Variants in PHF24 observed in about 807,000 individuals in gnomAD.
PHF24 encodes the protein Galpha inhibitory interacting protein.
PHF24 carries 25 observed loss-of-function variants against 42.6 expected under a neutral mutation model. The observed-to-expected ratio is 0.59, with a 90% CI of 0.43 to 0.82. The LOEUF is 0.82. Ranked by LOEUF, PHF24 falls within the 40% of genes least tolerant of loss-of-function variation. The probability of loss-of-function intolerance (pLI) is 0.00; values close to 1 mark genes in which losing one functional copy is unlikely to be tolerated. For synonymous variants in PHF24, 185 were observed against 204.8 expected (o/e 0.90, Z 0.83); for missense variants, 470 against 538.1 (o/e 0.87, Z 1.25).
chr9:34,830,618 G>C, the PHF24 span, among the ~76,000 whole-genome samples: 133 of 152,290 alleles, frequency 8.7e-4, no homozygotes, highest in Non-Finnish European at 3.1e-4. Flanking sequence ...AGCTGCCTTT[G>C]GTGGTGGATC....
the PHF24 span, among the ~76,000 whole-genome samples, chr9:34,668,134 G>C: frequency 6.6e-6 from 1 of 152,220 alleles, no homozygotes; most frequent in Non-Finnish European, 1.5e-5. Flanking sequence ...CCCAGAGCTA[G>C]GGAGTGAGTA....
At chr9:34,863,900 A>G in the PHF24 span, among the ~76,000 whole-genome samples, 2 of 152,250 alleles carry the variant, frequency 1.3e-5, no homozygotes, top group African/African-American at 2.4e-5. Context: ...AATTCAAGAT[A>G]AACAGAGAAG....
the PHF24 span, among the ~76,000 whole-genome samples, chr9:34,898,433 T>A: frequency 6.6e-6 from 1 of 152,196 alleles, no homozygotes; most frequent in Non-Finnish European, 1.5e-5. Context: ...TTCTTAAATG[T>A]CCTTCTTATA....
the PHF24 span, among the ~76,000 whole-genome samples, chr9:34,751,403 C>T: frequency 6.6e-6 from 1 of 151,930 alleles, no homozygotes; most frequent in Non-Finnish European, 1.5e-5. Context: ...GAGTAGCTAT[C>T]CTTATATCAG....
chr9:34,832,306 G>T, the PHF24 span: 1 of 609,412 alleles, frequency 1.6e-6, no homozygotes, highest in Non-Finnish European at 2.9e-6. Flanking sequence ...TAGGGTGGGT[G>T]CCCTGGTTGG....
At chr9:34,800,595 C>T in the PHF24 span, among the ~76,000 whole-genome samples, 4 of 152,094 alleles carry the variant, frequency 2.6e-5, no homozygotes, top group Admixed American at 6.5e-5. Flanking sequence ...TAAACGGTGC[C>T]GGGAAAACTG....
At chr9:34,933,521 G>A in the PHF24 span, among the ~76,000 whole-genome samples, 1 of 151,858 alleles carries the variant, frequency 6.6e-6, no homozygotes, top group Admixed American at 6.6e-5. Context: ...TGAGGAGATG[G>A]AGACCATCCT....
the PHF24 span, chr9:34,895,903 T>C: frequency 4.1e-5 from 16 of 391,484 alleles, no homozygotes; most frequent in Non-Finnish European, 5.9e-5. Context: ...TATTTGTTTT[T>C]AAAGAGGCTT....
the PHF24 span, among the ~76,000 whole-genome samples, chr9:34,778,061 T>A: frequency 6.6e-6 from 1 of 152,354 alleles, no homozygotes; most frequent in Non-Finnish European, 1.5e-5. Flanking sequence ...CTTCCTTGCT[T>A]TAGGTATTAC....
chr9:34,838,790 C>T, the PHF24 span, among the ~76,000 whole-genome samples: 69 of 152,316 alleles, frequency 4.5e-4, no homozygotes, highest in Admixed American at 1.2e-3. Flanking sequence ...CCTGATGTCT[C>T]GGCTCTGTCC....
the PHF24 span, among the ~76,000 whole-genome samples, chr9:34,853,430 T>C: frequency 3.3e-5 from 5 of 152,190 alleles, no homozygotes; most frequent in African/African-American, 4.8e-5. Context: ...TTTCTTTTTT[T>C]GTTTTGTCTC....
chr9:34,945,589 GA>G, the PHF24 span, among the ~76,000 whole-genome samples: 1 of 152,174 alleles, frequency 6.6e-6, no homozygotes, highest in Admixed American at 6.5e-5. Flanking sequence ...CTGCCCTCAT[GA>G]ATAGACTAAT....
chr9:34,963,452 G>A (rs969460399), intron 1 of PHF24, among the ~76,000 whole-genome samples: 18 of 151,950 alleles, frequency 1.2e-4, no homozygotes, highest in Non-Finnish European at 2.5e-4. Flanking sequence ...CAGCCCTTTG[G>A]GCACATGCTT....
At chr9:34,725,924 A>G in the PHF24 span, 1 of 1,551,830 alleles carries the variant, frequency 6.4e-7, no homozygotes, top group Non-Finnish European at 8.7e-7. Context: ...CTCACTGTGC[A>G]GAGAAGGGAG....
At chr9:34,691,297 C>T in the PHF24 span, 1 of 538,014 alleles carries the variant, frequency 1.9e-6, no homozygotes, top group Non-Finnish European at 3.3e-6. Flanking sequence ...CAGCTGACTC[C>T]TATTTATGGC....
At chr9:34,840,606 T>C in the PHF24 span, among the ~76,000 whole-genome samples, 1 of 151,316 alleles carries the variant, frequency 6.6e-6, no homozygotes, top group African/African-American at 2.4e-5. Context: ...CATAGCTCAC[T>C]GCAGCCTCTA....
chr9:34,939,215 G>T, the PHF24 span, among the ~76,000 whole-genome samples: 1 of 152,034 alleles, frequency 6.6e-6, no homozygotes, highest in Non-Finnish European at 1.5e-5. Context: ...GGAGGTGGAG[G>T]TTGCAGTGAG....
At chr9:34,796,002 AAAAG>A in the PHF24 span, among the ~76,000 whole-genome samples, 2 of 152,126 alleles carry the variant, frequency 1.3e-5, no homozygotes, top group African/African-American at 2.4e-5. Context: ...CCTGAAAAAA[AAAAG>A]AAAGAGAGAG....
the PHF24 span, chr9:34,832,452 A>G: frequency 1.8e-5 from 26 of 1,483,084 alleles, no homozygotes; most frequent in South Asian, 1.7e-4. Context: ...AGCTGGGCCC[A>G]TCAGCTTCTG....
Sources: allele counts gnomAD v4.1 joint callset (sites outside exome capture counted in the v4.1 genomes callset), GRCh38; gene constraint gnomAD v4.1.1; transcripts MANE v1.5; gene names NCBI Gene and HGNC (gene_info 2026-07-23, HGNC 2026-07-21).